The following FAM171A1 variants were observed in gnomAD, a reference collection of about 807,000 sequenced individuals.
The protein encoded by FAM171A1 is protein FAM171A1.
A neutral mutation model predicts 74.9 loss-of-function variants in FAM171A1; 23 were observed. That is an observed-to-expected ratio of 0.31 (90% CI 0.22 to 0.44). The LOEUF is 0.44. Ranked by LOEUF, FAM171A1 falls within the 20% of genes least tolerant of loss-of-function variation. FAM171A1 has a pLI of 1.00. For synonymous variants in FAM171A1, 527 were observed against 505.7 expected (o/e 1.04, Z -0.57); for missense variants, 1,162 against 1,159.2 (o/e 1.00, Z -0.03).
chr10:15,234,046 AG>A (rs1834247667), intron 5 of FAM171A1, among the ~76,000 whole-genome samples: 1 of 152,216 alleles, frequency 6.6e-6, no homozygotes, highest in Admixed American at 6.5e-5. Context: ...CAGAAGCATT[AG>A]GTCCAGAGAC....
chr10:15,266,377 C>A (rs547886657), intron 3 of FAM171A1, among the ~76,000 whole-genome samples: 17 of 152,276 alleles, frequency 1.1e-4, no homozygotes, highest in Middle Eastern at 3.4e-3. Flanking sequence ...ACACAAGCCC[C>A]TCGGCTGCCA....
At chr10:15,228,826 G>A (rs1193263364) in intron 5 of FAM171A1, among the ~76,000 whole-genome samples, 1 of 152,210 alleles carries the variant, frequency 6.6e-6, no homozygotes, top group East Asian at 1.9e-4. Context: ...GACATGCTGA[G>A]GATGACACAG....
intron 1 of FAM171A1, among the ~76,000 whole-genome samples, chr10:15,320,606 T>A (rs1419637375): frequency 6.6e-6 from 1 of 152,226 alleles, no homozygotes; most frequent in Non-Finnish European, 1.5e-5. Context: ...AGTGTTCCTT[T>A]TTCTCCACAA....
chr10:15,239,266 C>A (rs1183491633), intron 5 of FAM171A1, among the ~76,000 whole-genome samples: 1 of 152,100 alleles, frequency 6.6e-6, no homozygotes, highest in Non-Finnish European at 1.5e-5. Flanking sequence ...TCAAATTGGC[C>A]ACTGCACAAT....
At chr10:15,336,033 C>T (rs1835695651) in intron 1 of FAM171A1, among the ~76,000 whole-genome samples, 1 of 152,088 alleles carries the variant, frequency 6.6e-6, no homozygotes. Flanking sequence ...GAACTTAATA[C>T]AGCATGTGGT....
chr10:15,223,930 A>C (rs1588496433), intron 5 of FAM171A1, among the ~76,000 whole-genome samples: 1 of 151,808 alleles, frequency 6.6e-6, no homozygotes, highest in African/African-American at 2.4e-5. Context: ...AAACAAAAAA[A>C]ACCCCTCCAC....
chr10:15,322,866 G>C (rs1399212729), intron 1 of FAM171A1, among the ~76,000 whole-genome samples: 1 of 152,074 alleles, frequency 6.6e-6, no homozygotes, highest in Non-Finnish European at 1.5e-5. Context: ...TTGGCTGGGG[G>C]CAGTGACTCA....
upstream of FAM171A1, among the ~76,000 whole-genome samples, chr10:15,372,484 C>CA (rs1420151651): frequency 6.6e-6 from 1 of 151,972 alleles, no homozygotes; most frequent in Non-Finnish European, 1.5e-5. Context: ...GGCCTGAGTT[C>CA]AGGAGTTAAG....
chr10:15,272,499 A>C (rs1327009370), intron 3 of FAM171A1, among the ~76,000 whole-genome samples: 5 of 152,198 alleles, frequency 3.3e-5, no homozygotes, highest in South Asian at 2.1e-4. Flanking sequence ...AGAAAGTTAA[A>C]AAGGATATCC....
At chr10:15,342,133 G>C (rs985736924) in intron 1 of FAM171A1, among the ~76,000 whole-genome samples, 1 of 152,216 alleles carries the variant, frequency 6.6e-6, no homozygotes, top group African/African-American at 2.4e-5. Context: ...CAAACCCTAA[G>C]CAATCTACGG....
chr10:15,285,500 T>A (rs557327993), intron 1 of FAM171A1, among the ~76,000 whole-genome samples: 1 of 152,290 alleles, frequency 6.6e-6, no homozygotes, highest in African/African-American at 2.4e-5. Context: ...GACTCTGTGA[T>A]AACCCAGAAC....
At position 15,214,520 on chromosome 10, in the gene FAM171A1, G is replaced by C; in HGVS notation, c.1068C>G (p.Ser356=). 3 of 1,614,170 alleles carry C rather than the reference G, an allele frequency of 1.9e-6. No individual in the cohort carries two copies. The highest frequency in any genetic ancestry group is 2.5e-6 in the Non-Finnish European group (3 of 1,180,042). The change falls in exon 8 of 8, where the codon TCC becomes TCG. Residue 356 remains serine (S), a synonymous_variant. Coordinates refer to ENST00000378116, the MANE Select transcript of FAM171A1 (RefSeq NM_001010924.2). ...GCAAGTTAATGTGTGACATGGACGTGGACTGGTCTCTTTTGGAACTCTCCA... is the reference window on the plus strand; with the variant it reads ...GCAAGTTAATGTGTGACATGGACGTCGACTGGTCTCTTTTGGAACTCTCCA... The part of the protein sequence containing the change: ...AGLESSKRDQ[S]TSMSHINLLF...
chr10:15,336,658 C>T (rs1467150842), intron 1 of FAM171A1, among the ~76,000 whole-genome samples: 2 of 152,068 alleles, frequency 1.3e-5, no homozygotes, highest in African/African-American at 4.8e-5. Flanking sequence ...ACTGTACATG[C>T]CAACTATTAT....
chr10:15,354,257 A>G (rs1444605516), intron 1 of FAM171A1, among the ~76,000 whole-genome samples: 2 of 152,012 alleles, frequency 1.3e-5, no homozygotes, highest in African/African-American at 4.8e-5. Context: ...GCAGTTAGGG[A>G]GGCTGAGGTG....
intron 1 of FAM171A1, among the ~76,000 whole-genome samples, chr10:15,362,713 G>C (rs1836009468): frequency 6.6e-6 from 1 of 152,198 alleles, no homozygotes; most frequent in Non-Finnish European, 1.5e-5. Context: ...GACAGAGCGA[G>C]ACTCTGTCTC....
chr10:15,321,812 G>A (rs185849814), intron 1 of FAM171A1, among the ~76,000 whole-genome samples: 2 of 152,296 alleles, frequency 1.3e-5, no homozygotes, highest in Admixed American at 6.5e-5. Flanking sequence ...AGTCTCAGCC[G>A]CTCTGTAAGA....
chr10:15,346,665 T>TA (rs1437187746), intron 1 of FAM171A1, among the ~76,000 whole-genome samples: 1 of 152,170 alleles, frequency 6.6e-6, no homozygotes, highest in Non-Finnish European at 1.5e-5. Flanking sequence ...ACTCTTCTAA[T>TA]ACAGAAGGCG....
At chr10:15,366,321 C>T (rs7913436) in intron 1 of FAM171A1, among the ~76,000 whole-genome samples, 3,845 of 152,176 alleles carry the variant, frequency 0.025, 160 homozygotes, top group African/African-American at 0.088. Flanking sequence ...GGTTTCACCA[C>T]GTTGGCCAGG....
At chr10:15,334,465 G>A (rs1252702053) in intron 1 of FAM171A1, among the ~76,000 whole-genome samples, 2 of 152,180 alleles carry the variant, frequency 1.3e-5, no homozygotes, top group Non-Finnish European at 2.9e-5. Flanking sequence ...ATAATCTGCA[G>A]GAATGGTTAA....
Sources: allele counts gnomAD v4.1 joint callset (sites outside exome capture counted in the v4.1 genomes callset), GRCh38; gene constraint gnomAD v4.1.1; transcripts MANE v1.5; gene names NCBI Gene and HGNC (gene_info 2026-07-23, HGNC 2026-07-21).